Variants in CRISP2 observed in about 807,000 individuals in gnomAD.
The protein encoded by CRISP2 is cysteine-rich secretory protein 2.
CRISP2 carries 29 observed loss-of-function variants against 31.7 expected under a neutral mutation model. The ratio of observed to expected loss-of-function variants is 0.92; its 90% CI spans 0.68 to 1.25. The LOEUF is 1.25. Among genes scored for constraint, CRISP2 ranks in the 50% most tolerant of loss-of-function variants. CRISP2 has a pLI of 0.00. For missense variants in CRISP2, 318 were observed against 286.5 expected, an observed-to-expected ratio of 1.11 and a Z score of -0.79; for synonymous variants, 111 against 101.4, an observed-to-expected ratio of 1.09 and a Z score of -0.57.
At position 49,692,704 on chromosome 6, in the gene CRISP2, C is replaced by T; in HGVS notation, c.*69G>A. 7.0e-7 allele frequency: 1 copy of T among 1,425,016 alleles called. No individual in the cohort carries two copies. The highest frequency in any genetic ancestry group is 9.5e-7 in the Non-Finnish European group (1 of 1,051,816). The allele number at this position is 1,425,016 out of a possible 1,614,324, so 88.3% of individuals were successfully genotyped here. A position where few individuals can be genotyped will look rare whatever the true frequency, so the allele number is the denominator to read the frequency against. ...TTGTCACTAACATACATACAATTTC[C>T]ACTGGTATGTCGCAATTAAATGATG... On this transcript the variant is annotated 3_prime_UTR_variant, in exon 10 of 10. Coordinates refer to ENST00000339139, the MANE Select transcript of CRISP2 (RefSeq NM_003296.4).
At chr6:49,698,332 G>A in intron 7 of CRISP2, 30 bp downstream of exon 7, 1 of 1,609,544 alleles carries the variant, frequency 6.2e-7, no homozygotes, top group Non-Finnish European at 8.5e-7. Flanking sequence ...GAACATCTGT[G>A]ACATAGGTAT....
intron 6 of CRISP2, 68 bp downstream of exon 6, chr6:49,699,736 C>A (rs1299911716): frequency 1.7e-5 from 19 of 1,103,192 alleles, no homozygotes; most frequent in Non-Finnish European, 2.5e-5. Flanking sequence ...TATTATAGAG[C>A]ATCCTACAAT....
the CRISP2 span, among the ~76,000 whole-genome samples, chr6:49,683,613 G>A: frequency 2.0e-3 from 268 of 136,294 alleles, no homozygotes; most frequent in African/African-American, 5.8e-3. Flanking sequence ...GCAGTGAGCC[G>A]AGATCATGCC....
In CRISP2 at chr6:49,703,575, C is replaced by A. The variant is rs113470990; in HGVS notation, c.67-2791G>T. Among the ~76,000 whole-genome samples the A allele has an allele frequency of 4.0e-3, 615 of 152,034 alleles. 6 individuals carry two copies. The highest frequency in any genetic ancestry group is 0.014 in the African/African-American group (597 of 41,480). On this transcript the variant is annotated intron_variant, in intron 4 of 9. Coordinates refer to ENST00000339139, the MANE Select transcript of CRISP2 (RefSeq NM_003296.4). ...ACTCCAAAGTATTTTATTGTTTTTT[C>A]AGCTGTTGTAAAAGGTACTGAGTTC...
chr6:49,687,689 T>C (rs1561853692), downstream of CRISP2, among the ~76,000 whole-genome samples: 1 of 152,184 alleles, frequency 6.6e-6, no homozygotes, highest in African/African-American at 2.4e-5. Context: ...TGTGAAGAGA[T>C]ACAGTAGGTT....
At chr6:49,683,036 T>C in the CRISP2 span, among the ~76,000 whole-genome samples, 10 of 151,988 alleles carry the variant, frequency 6.6e-5, no homozygotes, top group Non-Finnish European at 1.5e-4. Context: ...CATGTGCCTG[T>C]AATCCCAGCT....
intron 4 of CRISP2, among the ~76,000 whole-genome samples, chr6:49,708,400 T>C (rs1356808198): frequency 3.3e-5 from 5 of 152,364 alleles, no homozygotes; most frequent in East Asian, 3.9e-4. Context: ...TCTTCGCAGA[T>C]GTAATTAAGT....
chr6:49,709,047 C>T (rs2127434379), intron 4 of CRISP2, 84 bp downstream of exon 4: 1 of 1,182,030 alleles, frequency 8.5e-7, no homozygotes, highest in South Asian at 1.2e-5. Flanking sequence ...ACCAAACTCT[C>T]TTACCCCCCT....
chr6:49,694,332 T>C (rs1764376108), intron 9 of CRISP2, among the ~76,000 whole-genome samples: 1 of 152,166 alleles, frequency 6.6e-6, no homozygotes. Flanking sequence ...TACAATTCAT[T>C]TGGGGTCTGA....
intron 4 of CRISP2, among the ~76,000 whole-genome samples, chr6:49,701,691 ATG>A: frequency 8.8e-6 from 1 of 113,440 alleles, no homozygotes; most frequent in Non-Finnish European, 1.7e-5. Context: ...TACATTATAT[ATG>A]TATACATTAT....
chr6:49,701,616 A>ATG (rs1561876000), intron 4 of CRISP2, among the ~76,000 whole-genome samples: 1,184 of 95,856 alleles, frequency 0.012, 155 homozygotes, highest in Non-Finnish European at 0.018. Flanking sequence ...CACGGTATAT[A>ATG]TATATACATT....
downstream of CRISP2, among the ~76,000 whole-genome samples, chr6:49,687,627 C>G (rs929556676): frequency 6.6e-6 from 1 of 152,182 alleles, no homozygotes; most frequent in Non-Finnish European, 1.5e-5. Context: ...GGGGAAAATT[C>G]ATAGAGGAGG....
chr6:49,682,704 T>C, the CRISP2 span, among the ~76,000 whole-genome samples: 1 of 148,758 alleles, frequency 6.7e-6, no homozygotes, highest in Non-Finnish European at 1.5e-5. Context: ...TTCTTTTTCT[T>C]TTTTCTCTTT....
the CRISP2 span, among the ~76,000 whole-genome samples, chr6:49,682,644 TTC>T: frequency 0.16 from 12,500 of 76,828 alleles, 863 homozygotes; most frequent in African/African-American, 0.26. Flanking sequence ...TCTTTCTTTC[TTC>T]TTTCTTTCTT....
intron 1 of CRISP2, among the ~76,000 whole-genome samples, chr6:49,713,165 T>C (rs1358812369): frequency 6.6e-6 from 1 of 152,138 alleles, no homozygotes; most frequent in Admixed American, 6.5e-5. Flanking sequence ...AAAAAGCAGA[T>C]TGAGAAATGA....
intron 3 of CRISP2, among the ~76,000 whole-genome samples, chr6:49,709,752 T>G (rs547033379): frequency 6.6e-6 from 1 of 152,326 alleles, no homozygotes; most frequent in African/African-American, 2.4e-5. Flanking sequence ...TAACTAGAAG[T>G]TATGTTTATT....
At chr6:49,706,739 C>T (rs1767097913) in intron 4 of CRISP2, among the ~76,000 whole-genome samples, 2 of 152,282 alleles carry the variant, frequency 1.3e-5, no homozygotes, top group South Asian at 2.1e-4. Flanking sequence ...TCCTCTCCTC[C>T]CATACTGAGT....
chr6:49,709,238 A>G, intron 3 of CRISP2, 33 bp from the exon 4 acceptor site: 13 of 1,602,226 alleles, frequency 8.1e-6, no homozygotes, highest in Non-Finnish European at 9.4e-6. Context: ...CTGCATTGAA[A>G]TATGTAGTTT....
chr6:49,698,617 AACTGTTGATTAAT>A, intron 6 of CRISP2, 110 bp from the exon 7 acceptor site: 1 of 1,106,474 alleles, frequency 9.0e-7, no homozygotes, highest in East Asian at 2.4e-5. Flanking sequence ...AGCAGATGCT[AACTGTTGATTAAT>A]ACATAAAGGA....
Sources: gnomAD v4.1 joint callset for allele counts (sites outside exome capture counted in the v4.1 genomes callset) on GRCh38, gnomAD v4.1.1 for gene constraint, MANE v1.5 for transcripts, NCBI Gene and HGNC (gene_info 2026-07-23, HGNC 2026-07-21) for gene names.